RNF130: variants seen among roughly 807,000 people sequenced by gnomAD.
RNF130 encodes ring finger protein 130.
Under a neutral mutation model 44.6 loss-of-function variants are expected in RNF130, and 21 were observed. That is an observed-to-expected ratio of 0.47 (90% CI 0.33 to 0.68). RNF130 has a LOEUF of 0.68. RNF130 is among the 30% of genes least tolerant of loss of function. The pLI is 0.02. For missense variants in RNF130, 479 were observed against 560.6 expected, an observed-to-expected ratio of 0.85 and a Z score of 1.47; for synonymous variants, 214 against 210.4, an observed-to-expected ratio of 1.02 and a Z score of -0.15.
intron 3 of RNF130, among the ~76,000 whole-genome samples, chr5:180,003,764 C>T (rs1763400615): frequency 6.6e-6 from 1 of 152,194 alleles, no homozygotes; most frequent in African/African-American, 2.4e-5. Flanking sequence ...GTACAAAATT[C>T]TTCCATGAAG....
chr5:179,960,894 G>A (rs116592272), intron 8 of RNF130, among the ~76,000 whole-genome samples: 213 of 151,942 alleles, frequency 1.4e-3, no homozygotes, highest in African/African-American at 5.0e-3. Flanking sequence ...GTAGATAAAG[G>A]CAAAAACAGA....
chr5:180,033,504 A>G (rs1764179590), intron 2 of RNF130, among the ~76,000 whole-genome samples: 1 of 152,150 alleles, frequency 6.6e-6, no homozygotes, highest in Non-Finnish European at 1.5e-5. Flanking sequence ...TGGGCAGGTC[A>G]CTTGAGGTCA....
intron 5 of RNF130, among the ~76,000 whole-genome samples, chr5:179,970,765 A>T (rs946065932): frequency 6.6e-6 from 1 of 152,210 alleles, no homozygotes; most frequent in Non-Finnish European, 1.5e-5. Context: ...ACCAAATTCC[A>T]AAAAGGACTA....
intron 3 of RNF130, among the ~76,000 whole-genome samples, chr5:179,996,224 A>G (rs1273533482): frequency 6.6e-6 from 1 of 152,188 alleles, no homozygotes; most frequent in African/African-American, 2.4e-5. Flanking sequence ...GCTATTGTAA[A>G]TAAGATGGAC....
intron 8 of RNF130, among the ~76,000 whole-genome samples, chr5:179,957,900 C>T (rs1043534392): frequency 1.3e-4 from 20 of 148,890 alleles, no homozygotes; most frequent in African/African-American, 4.0e-4. Flanking sequence ...TTTTTTGAGA[C>T]GGAGTCTCGC....
intron 3 of RNF130, among the ~76,000 whole-genome samples, chr5:179,989,790 CTTTGT>C (rs1027616428): frequency 5.9e-5 from 9 of 151,998 alleles, no homozygotes; most frequent in South Asian, 4.1e-4. Flanking sequence ...TTTGTAAATT[CTTTGT>C]TTTATTTTTT....
At chr5:179,924,824 G>A (rs1346845767) in intron 7 of RNF130, among the ~76,000 whole-genome samples, 1 of 151,906 alleles carries the variant, frequency 6.6e-6, no homozygotes, top group South Asian at 2.1e-4. Flanking sequence ...TTTAAAATGG[G>A]ATCAATTCAA....
intron 7 of RNF130, among the ~76,000 whole-genome samples, chr5:179,937,674 A>G (rs1359058967): frequency 2.0e-5 from 3 of 152,206 alleles, no homozygotes; most frequent in African/African-American, 7.2e-5. Flanking sequence ...CTAGAATTCT[A>G]TGACCCAGCA....
intron 2 of RNF130, among the ~76,000 whole-genome samples, chr5:180,021,667 G>C (rs1360509953): frequency 6.6e-6 from 1 of 151,670 alleles, no homozygotes; most frequent in Non-Finnish European, 1.5e-5. Context: ...AGAAAAATTC[G>C]AAATATCATA....
chr5:180,058,920 C>G (rs1201959326), intron 1 of RNF130, among the ~76,000 whole-genome samples: 1 of 152,108 alleles, frequency 6.6e-6, no homozygotes, highest in Non-Finnish European at 1.5e-5. Flanking sequence ...ATGGGTCGCA[C>G]AACAGTGGAA....
At chr5:180,021,605 A>T (rs1477490016) in intron 2 of RNF130, among the ~76,000 whole-genome samples, 1 of 152,108 alleles carries the variant, frequency 6.6e-6, no homozygotes, top group South Asian at 2.1e-4. Flanking sequence ...GTCCCAAATC[A>T]TTCATTTAAA....
At chr5:179,982,434 T>C (rs75808567) in intron 3 of RNF130, among the ~76,000 whole-genome samples, 3,062 of 152,226 alleles carry the variant, frequency 0.02, 51 homozygotes, top group Non-Finnish European at 0.029. Context: ...CACCTGATAG[T>C]TGTCTGACTT....
intron 1 of RNF130, among the ~76,000 whole-genome samples, chr5:180,065,160 A>AC (rs1765072655): frequency 6.6e-6 from 1 of 152,032 alleles, no homozygotes; most frequent in Non-Finnish European, 1.5e-5. Flanking sequence ...TCTTGCAAAG[A>AC]CCTACTCGTT....
chr5:180,040,673 T>C (rs1764387838), intron 1 of RNF130, 26 bp from the exon 2 acceptor site: 16 of 1,595,564 alleles, frequency 1.0e-5, no homozygotes, highest in Non-Finnish European at 1.4e-5. Flanking sequence ...AATACACACA[T>C]TAAAGATAAA....
intron 7 of RNF130, among the ~76,000 whole-genome samples, chr5:179,946,623 G>A (rs549574220): frequency 1.4e-4 from 21 of 148,216 alleles, no homozygotes; most frequent in Non-Finnish European, 2.2e-4. Flanking sequence ...GTGTGATCTT[G>A]GCTCACTGCA....
chr5:179,916,546 C>G (rs1761548202), exon 8 of RNF130: 1 of 152,234 alleles, frequency 6.6e-6, no homozygotes, highest in South Asian at 2.1e-4. Context: ...ATCAGACTCA[C>G]TGGCAGCTGG....
chr5:179,963,293 T>A (rs1173939911), intron 8 of RNF130, among the ~76,000 whole-genome samples, 178 bp downstream of exon 8: 1 of 152,206 alleles, frequency 6.6e-6, no homozygotes, highest in Non-Finnish European at 1.5e-5. Context: ...GAATTCCCAA[T>A]CTGTGTTACT....
intron 1 of RNF130, among the ~76,000 whole-genome samples, chr5:180,067,302 A>G (rs1765130435): frequency 6.6e-6 from 1 of 152,066 alleles, no homozygotes; most frequent in Non-Finnish European, 1.5e-5. Flanking sequence ...ATAGCCCATC[A>G]TTGTACACAT....
At chr5:179,930,317 G>A (rs576666643) in intron 7 of RNF130, among the ~76,000 whole-genome samples, 14 of 152,196 alleles carry the variant, frequency 9.2e-5, no homozygotes, top group Non-Finnish European at 1.9e-4. Context: ...TGGCCTCCCA[G>A]AGTGCTAGGA....
Sources: allele counts gnomAD v4.1 joint callset (sites outside exome capture counted in the v4.1 genomes callset), GRCh38; gene constraint gnomAD v4.1.1; transcripts MANE v1.5; gene names NCBI Gene and HGNC (gene_info 2026-07-23, HGNC 2026-07-21).